Variants in DPP10 observed in about 807,000 individuals in gnomAD.
DPP10 encodes dipeptidyl peptidase like 10.
A neutral mutation model predicts 120.9 loss-of-function variants in DPP10; 33 were observed. The ratio of observed to expected loss-of-function variants is 0.27; its 90% confidence interval spans 0.21 to 0.37. The LOEUF (loss-of-function observed/expected upper bound fraction) is 0.37, where lower values mean the gene tolerates loss of function less well. DPP10 is among the 10% of genes least tolerant of loss of function. DPP10 has a pLI of 1.00. For synonymous variants in DPP10, 337 were observed against 326.1 expected, an observed-to-expected ratio of 1.03 and a Z score of -0.36; for missense variants, 816 against 942.8, an observed-to-expected ratio of 0.87 and a Z score of 1.76.
chr2:114,898,150 A>G (rs1402467782), intron 1 of DPP10, among the ~76,000 whole-genome samples: 2 of 152,242 alleles, frequency 1.3e-5, no homozygotes, highest in African/African-American at 4.8e-5. Flanking sequence ...CATATTCACC[A>G]TGGAATACTA....
chr2:115,230,294 TG>T (rs1317531848), intron 1 of DPP10, among the ~76,000 whole-genome samples: 3 of 152,054 alleles, frequency 2.0e-5, no homozygotes, highest in Admixed American at 2.0e-4. Context: ...TTACTGAATT[TG>T]TTTATTAGTT....
intron 3 of DPP10, among the ~76,000 whole-genome samples, chr2:115,372,387 A>G (rs2065473139): frequency 8.2e-6 from 1 of 121,786 alleles, no homozygotes; most frequent in Non-Finnish European, 1.8e-5. Flanking sequence ...TGAAAAGGTA[A>G]TCATTACCCT....
At chr2:114,894,963 A>G (rs1289753654) in intron 1 of DPP10, among the ~76,000 whole-genome samples, 1 of 152,166 alleles carries the variant, frequency 6.6e-6, no homozygotes, top group African/African-American at 2.4e-5. Context: ...TCAGTTATTC[A>G]TTGTTTTTCT....
chr2:115,481,194 T>G (rs973059643), intron 3 of DPP10, among the ~76,000 whole-genome samples: 6 of 152,100 alleles, frequency 3.9e-5, no homozygotes, highest in Admixed American at 1.3e-4. Context: ...AGAGATGAAG[T>G]GCAATTACTC....
At chr2:115,028,680 A>T (rs1054231559) in intron 1 of DPP10, among the ~76,000 whole-genome samples, 1 of 151,922 alleles carries the variant, frequency 6.6e-6, no homozygotes, top group Non-Finnish European at 1.5e-5. Flanking sequence ...TACTATACTG[A>T]AGCCTGTCTT....
chr2:115,446,688 C>T (rs1285971752), intron 3 of DPP10, among the ~76,000 whole-genome samples: 2 of 152,034 alleles, frequency 1.3e-5, no homozygotes, highest in African/African-American at 4.8e-5. Flanking sequence ...CAGGCATACC[C>T]GTCTGAGTTG....
intron 1 of DPP10, among the ~76,000 whole-genome samples, chr2:114,976,173 TCATTTTTACAG>T (rs1558944705): frequency 6.6e-6 from 1 of 152,234 alleles, no homozygotes; most frequent in African/African-American, 2.4e-5. Flanking sequence ...ACTACATATT[TCATTTTTACAG>T]CATTAGTTGA....
chr2:115,003,529 A>G (rs1299238234), intron 1 of DPP10, among the ~76,000 whole-genome samples: 1 of 152,052 alleles, frequency 6.6e-6, no homozygotes. Context: ...AAGTCCAAAA[A>G]CGACCAAAAA....
intron 3 of DPP10, among the ~76,000 whole-genome samples, chr2:115,465,942 A>G (rs1421413894): frequency 6.6e-6 from 1 of 152,204 alleles, no homozygotes; most frequent in Non-Finnish European, 1.5e-5. Flanking sequence ...AAGTGAATTA[A>G]CTTTCATAAT....
At chr2:115,428,166 G>A (rs999879254) in intron 3 of DPP10, among the ~76,000 whole-genome samples, 2 of 152,078 alleles carry the variant, frequency 1.3e-5, no homozygotes, top group African/African-American at 4.8e-5. Flanking sequence ...TCAGAATTTT[G>A]GTCACAACTA....
At chr2:115,486,290 A>C (rs1413299621) in intron 3 of DPP10, among the ~76,000 whole-genome samples, 1 of 152,136 alleles carries the variant, frequency 6.6e-6, no homozygotes, top group Non-Finnish European at 1.5e-5. Context: ...CCATCTGTCC[A>C]TTCAACTGAA....
intron 5 of DPP10, among the ~76,000 whole-genome samples, chr2:115,625,811 A>G (rs1046885731): frequency 2.6e-5 from 4 of 152,098 alleles, no homozygotes; most frequent in African/African-American, 9.6e-5. Flanking sequence ...TGAGTAGAAT[A>G]GTATTTGGCC....
intron 1 of DPP10, among the ~76,000 whole-genome samples, chr2:115,013,903 T>C (rs1200316485): frequency 6.6e-6 from 1 of 152,092 alleles, no homozygotes; most frequent in Non-Finnish European, 1.5e-5. Context: ...TGGGAGACTT[T>C]AACAGCCCAC....
chr2:115,531,101 T>C (rs2078434559), intron 5 of DPP10, among the ~76,000 whole-genome samples: 3 of 152,168 alleles, frequency 2.0e-5, no homozygotes, highest in South Asian at 4.1e-4. Flanking sequence ...TCTTCCTTTA[T>C]TGGTGAAAAT....
chr2:115,599,723 CGTGA>C lies in DPP10; in HGVS notation c.441+73755_441+73758del, dbSNP rs368118275. Reference sequence around the variant, plus strand: ...TAATTTTGAATTGCATCCTGGATATCGTGAGTGTTAGTTATGCTGAATATATTCT... The same window carrying C: ...TAATTTTGAATTGCATCCTGGATATCGTGTTAGTTATGCTGAATATATTCT... On this transcript the variant is annotated intron_variant, in intron 5 of 25. Coordinates refer to ENST00000410059, the MANE Select transcript of DPP10 (RefSeq NM_020868.6). Among the ~76,000 whole-genome samples the C allele has an allele frequency of 3.3e-3, 500 of 152,198 alleles. 2 individuals are homozygous for C. The highest frequency in any genetic ancestry group is 0.011 in the African/African-American group (441 of 41,542).
rs547483129 is a variant in DPP10, at chr2:115,283,748, C to T, written c.61-25491C>T. Among the ~76,000 whole-genome samples the T allele has an allele frequency of 1.4e-4, 22 of 152,084 alleles. No homozygotes were observed. In the Middle Eastern group the frequency reaches 0.014, roughly 94 times the overall value. On this transcript the variant is annotated intron_variant, in intron 1 of 25. Transcript: ENST00000410059. ...AGTCATGTACCACGTAACAGTGTTTCGGTCAGTGATGGACTACATATATGA... is the reference window on the plus strand; with the variant it reads ...AGTCATGTACCACGTAACAGTGTTTTGGTCAGTGATGGACTACATATATGA...
At chr2:114,526,856 G>A (rs909384117) in intron 1 of DPP10, among the ~76,000 whole-genome samples, 11 of 152,044 alleles carry the variant, frequency 7.2e-5, no homozygotes, top group African/African-American at 2.2e-4. Flanking sequence ...TTAGGGTGGG[G>A]GATACAAATA....
intron 5 of DPP10, among the ~76,000 whole-genome samples, chr2:115,606,673 CTTG>C (rs1234806333): frequency 3.9e-5 from 6 of 152,292 alleles, no homozygotes; most frequent in African/African-American, 1.4e-4. Flanking sequence ...ATTCCTTAGA[CTTG>C]TTGCTGCTAT....
chr2:114,852,621 C>T (rs754123888), intron 1 of DPP10, among the ~76,000 whole-genome samples: 3 of 151,894 alleles, frequency 2.0e-5, no homozygotes, highest in South Asian at 2.1e-4. Context: ...TTTCAGTTTC[C>T]GCGGCGGGGG....
Sources: gnomAD v4.1 joint callset for allele counts (sites outside exome capture counted in the v4.1 genomes callset) on GRCh38, gnomAD v4.1.1 for gene constraint, MANE v1.5 for transcripts, NCBI Gene and HGNC (gene_info 2026-07-23, HGNC 2026-07-21) for gene names.